WDFY3: variants seen among roughly 807,000 people sequenced by gnomAD.
WDFY3 encodes the protein WD repeat and FYVE domain containing 3.
WDFY3 carries 66 observed loss-of-function variants against 409.6 expected under a neutral mutation model. The ratio of observed to expected loss-of-function variants is 0.16; its 90% CI spans 0.13 to 0.20. WDFY3 has a LOEUF of 0.20. WDFY3 is among the 10% of genes least tolerant of loss of function. WDFY3 has a pLI of 1.00. For synonymous variants in WDFY3, 1,521 were observed against 1,537.1 expected (o/e 0.99, Z 0.25); for missense variants, 3,031 against 4,298.1 (o/e 0.71, Z 8.24).
chr4:84,872,908 T>A (rs1762311725), intron 3 of WDFY3, among the ~76,000 whole-genome samples: 2 of 152,184 alleles, frequency 1.3e-5, no homozygotes, highest in South Asian at 4.1e-4. Context: ...CAAGATGTAG[T>A]CTTTCGGATA....
intron 1 of WDFY3, among the ~76,000 whole-genome samples, chr4:84,933,718 T>C (rs1316078798): frequency 6.6e-6 from 1 of 152,082 alleles, no homozygotes; most frequent in South Asian, 2.1e-4. Context: ...CTCTATTCTC[T>C]ATTTATGAGT....
intron 25 of WDFY3, among the ~76,000 whole-genome samples, chr4:84,780,895 A>T (rs768511414): frequency 8.5e-5 from 13 of 152,214 alleles, no homozygotes; most frequent in Non-Finnish European, 1.9e-4. Flanking sequence ...TACAGCAAGC[A>T]CAAATGTTTC....
intron 3 of WDFY3, among the ~76,000 whole-genome samples, chr4:84,867,354 TAAAGA>T (rs1761529622): frequency 6.6e-6 from 1 of 152,262 alleles, no homozygotes; most frequent in Non-Finnish European, 1.5e-5. Flanking sequence ...TAGAAAGCAA[TAAAGA>T]AAAGATATGC....
At chr4:84,893,639 A>G (rs1017911237) in intron 3 of WDFY3, among the ~76,000 whole-genome samples, 1 of 152,156 alleles carries the variant, frequency 6.6e-6, no homozygotes, top group Non-Finnish European at 1.5e-5. Context: ...AGATTTTCCT[A>G]TTTGAAAATC....
intron 44 of WDFY3, 63 bp downstream of exon 44, chr4:84,733,319 C>G: frequency 6.5e-7 from 1 of 1,542,916 alleles, no homozygotes; most frequent in Non-Finnish European, 8.8e-7. Context: ...AGAGAAAAAA[C>G]GCTTACAGAG....
intron 32 of WDFY3, among the ~76,000 whole-genome samples, chr4:84,757,772 A>C (rs1340729827): frequency 6.6e-6 from 1 of 152,178 alleles, no homozygotes; most frequent in African/African-American, 2.4e-5. Context: ...TAATGTAGTT[A>C]ATATATTTCA....
intron 67 of WDFY3, among the ~76,000 whole-genome samples, chr4:84,676,906 G>A (rs1052321701): frequency 1.3e-5 from 2 of 152,172 alleles, no homozygotes; most frequent in Non-Finnish European, 2.9e-5. Flanking sequence ...TACTTACAAT[G>A]TATCTATAGT....
At chr4:84,700,793 A>G (rs973546492) in intron 56 of WDFY3, among the ~76,000 whole-genome samples, 13 of 152,346 alleles carry the variant, frequency 8.5e-5, no homozygotes, top group African/African-American at 2.6e-4. Context: ...AAGTTGAATT[A>G]TAAGTGAACA....
At chr4:84,890,388 C>T (rs1484420418) in intron 3 of WDFY3, among the ~76,000 whole-genome samples, 1 of 152,206 alleles carries the variant, frequency 6.6e-6, no homozygotes, top group East Asian at 1.9e-4. Flanking sequence ...GTGTGAGCCA[C>T]CACACGTGGC....
intron 1 of WDFY3, among the ~76,000 whole-genome samples, chr4:84,947,710 CAAAAAAAAAA>C (rs1176852063): frequency 6.5e-5 from 5 of 77,472 alleles, no homozygotes; most frequent in African/African-American, 2.4e-4. Flanking sequence ...CCACATCTAC[CAAAAAAAAAA>C]AAAAAAAAAA....
In WDFY3 at chr4:84,688,190, G is replaced by C. The variant is rs150572140; in HGVS notation, c.9439C>G (p.Arg3147Gly). The C allele has an allele frequency of 2.5e-6, 4 of 1,614,102 alleles. No individual in the cohort carries two copies. The East Asian group carries it at 6.7e-5, about 27-fold the overall frequency. The change falls in exon 62 of 68, where the codon CGT becomes GGT. Residue 3147 changes from arginine (R) to glycine (G), a missense_variant. Transcript: ENST00000295888. ...TCCCAAATGATACAGGTTCGATCAC[G>C]GGACCCACTGACAATTATGTGATAG... ...LAYHIIVSGS[R>G]DRTCIIWDLN...
chr4:84,768,840 T>C (rs1744143226), intron 30 of WDFY3, among the ~76,000 whole-genome samples: 1 of 152,248 alleles, frequency 6.6e-6, no homozygotes, highest in African/African-American at 2.4e-5. Context: ...TAGATGGTGA[T>C]TTATCTGATG....
At chr4:84,693,515 T>C (rs541296270) in intron 58 of WDFY3, among the ~76,000 whole-genome samples, 1 of 152,290 alleles carries the variant, frequency 6.6e-6, no homozygotes, top group Non-Finnish European at 1.5e-5. Context: ...AGTGTGAATA[T>C]TATCATCTTC....
intron 7 of WDFY3, among the ~76,000 whole-genome samples, chr4:84,835,488 GA>G (rs1448791197): frequency 2.6e-5 from 4 of 152,196 alleles, no homozygotes; most frequent in Admixed American, 2.0e-4. Context: ...CAAAAGCTCT[GA>G]AGTCGTGGGG....
intron 3 of WDFY3, among the ~76,000 whole-genome samples, chr4:84,863,095 A>AT (rs770627491): frequency 2.0e-5 from 3 of 152,238 alleles, no homozygotes; most frequent in African/African-American, 4.8e-5. Flanking sequence ...GCACACATAC[A>AT]TATCTGCTTT....
chr4:84,818,846 G>A (rs984301164), intron 12 of WDFY3, among the ~76,000 whole-genome samples: 3 of 152,122 alleles, frequency 2.0e-5, no homozygotes, highest in African/African-American at 7.2e-5. Flanking sequence ...TTTGGGATAT[G>A]TACTAAGTGA....
chr4:84,709,735 G>A (rs1015261738), intron 51 of WDFY3, among the ~76,000 whole-genome samples: 2 of 152,098 alleles, frequency 1.3e-5, no homozygotes, highest in Non-Finnish European at 2.9e-5. Flanking sequence ...GTTTTGTTTT[G>A]TTCTGTTTTG....
At chr4:84,765,785 G>C in intron 32 of WDFY3, 25 bp downstream of exon 32, 2 of 1,596,186 alleles carry the variant, frequency 1.3e-6, no homozygotes, top group East Asian at 2.2e-5. Flanking sequence ...TCATTTTCAA[G>C]CAGCTGACTA....
At chr4:84,732,468 T>C (rs111348411) in intron 44 of WDFY3, among the ~76,000 whole-genome samples, 2,293 of 152,266 alleles carry the variant, frequency 0.015, 20 homozygotes, top group Middle Eastern at 0.034. Flanking sequence ...TGGAATGTAA[T>C]AGATCTCAAA....
Sources: gnomAD v4.1 joint callset for allele counts (sites outside exome capture counted in the v4.1 genomes callset) on GRCh38, gnomAD v4.1.1 for gene constraint, MANE v1.5 for transcripts, NCBI Gene and HGNC (gene_info 2026-07-23, HGNC 2026-07-21) for gene names.